Variants in STK32B observed in about 807,000 individuals in gnomAD.
STK32B encodes the protein serine/threonine kinase 32B.
Under a neutral mutation model 52.6 loss-of-function variants are expected in STK32B, and 43 were observed. The observed-to-expected ratio is 0.82, with a 90% CI of 0.64 to 1.05. STK32B has a LOEUF of 1.05. Among genes scored for constraint, STK32B ranks in the 50% least tolerant of loss-of-function variants. The pLI, the probability that STK32B is intolerant of heterozygous loss-of-function variation, is 0.00. For missense variants in STK32B, 621 were observed against 534.6 expected (o/e 1.16, Z -1.59); for synonymous variants, 238 against 204.3 (o/e 1.17, Z -1.41).
chr4:5,255,176 AATGAACATGCTTC>A (rs1220227338), intron 3 of STK32B, among the ~76,000 whole-genome samples: 1 of 152,174 alleles, frequency 6.6e-6, no homozygotes, highest in Non-Finnish European at 1.5e-5. Flanking sequence ...CTCTAAAGGA[AATGAACATGCTTC>A]TCTGAGAGCA....
intron 1 of STK32B, among the ~76,000 whole-genome samples, chr4:5,131,901 G>A (rs531247026): frequency 1.3e-5 from 2 of 152,296 alleles, no homozygotes; most frequent in East Asian, 1.9e-4. Flanking sequence ...GTTGGAATCT[G>A]TATACATTAC....
chr4:5,127,824 T>C (rs1047888004), intron 1 of STK32B, among the ~76,000 whole-genome samples: 1 of 152,094 alleles, frequency 6.6e-6, no homozygotes, highest in Non-Finnish European at 1.5e-5. Flanking sequence ...AGGGACCTCG[T>C]GGGAGGTAAT....
At chr4:5,307,818 G>A (rs28498522) in intron 3 of STK32B, among the ~76,000 whole-genome samples, 19,419 of 152,014 alleles carry the variant, frequency 0.13, 2,687 homozygotes, top group African/African-American at 0.35. Context: ...CCACGGGGGT[G>A]CTCTTTTGAT....
At chr4:5,319,036 C>G (rs551801711) in intron 3 of STK32B, among the ~76,000 whole-genome samples, 2 of 152,180 alleles carry the variant, frequency 1.3e-5, no homozygotes, top group South Asian at 4.2e-4. Flanking sequence ...GATCTCCTGA[C>G]CTTGTGATCC....
intron 4 of STK32B, among the ~76,000 whole-genome samples, chr4:5,334,853 T>C (rs1732531096): frequency 6.6e-6 from 1 of 152,074 alleles, no homozygotes; most frequent in Non-Finnish European, 1.5e-5. Flanking sequence ...GATAAGCTTT[T>C]TGATGTGCTG....
chr4:5,416,777 C>A, intron 5 of STK32B, 68 bp from the exon 6 acceptor site: 1 of 1,414,148 alleles, frequency 7.1e-7, no homozygotes. Context: ...ACCTTGCAAA[C>A]CACAGCTTTA....
intron 11 of STK32B, among the ~76,000 whole-genome samples, chr4:5,472,943 T>C (rs2109179756): frequency 6.6e-6 from 1 of 152,192 alleles, no homozygotes; most frequent in Middle Eastern, 3.4e-3. Flanking sequence ...CTCTGCCCTC[T>C]ACCTACTAGA....
chr4:5,279,190 C>T (rs763717492), intron 3 of STK32B, among the ~76,000 whole-genome samples: 1 of 152,208 alleles, frequency 6.6e-6, no homozygotes, highest in African/African-American at 2.4e-5. Flanking sequence ...CAAGGCAAGT[C>T]CCTTCCACCT....
At chr4:5,444,486 C>T (rs1177039336) in intron 6 of STK32B, among the ~76,000 whole-genome samples, 1 of 152,200 alleles carries the variant, frequency 6.6e-6, no homozygotes, top group African/African-American at 2.4e-5. Context: ...CACCCACTGA[C>T]CTGCGCCCAC....
chr4:5,216,569 G>A (rs1193419946), intron 3 of STK32B, among the ~76,000 whole-genome samples: 2 of 152,202 alleles, frequency 1.3e-5, no homozygotes, highest in Non-Finnish European at 2.9e-5. Context: ...GAAAAGAGGA[G>A]GGTGGGCAGG....
chr4:5,487,635 G>A (rs1291098822), intron 11 of STK32B, among the ~76,000 whole-genome samples: 1 of 152,140 alleles, frequency 6.6e-6, no homozygotes, highest in Non-Finnish European at 1.5e-5. Context: ...AAAAAGCTGT[G>A]CTAGGGTTAT....
chr4:5,361,332 T>C (rs761553364), intron 4 of STK32B, among the ~76,000 whole-genome samples: 1 of 152,224 alleles, frequency 6.6e-6, no homozygotes, highest in Non-Finnish European at 1.5e-5. Context: ...TGGGTATATA[T>C]TCACAAGTGG....
chr4:5,095,997 T>C (rs537523063), intron 1 of STK32B, among the ~76,000 whole-genome samples: 14 of 152,374 alleles, frequency 9.2e-5, no homozygotes, highest in Non-Finnish European at 1.6e-4. Context: ...ATTATATTAG[T>C]GATTTCATGG....
At chr4:5,157,311 A>AAAAAAAC (rs1553839516) in intron 2 of STK32B, among the ~76,000 whole-genome samples, 2,761 of 151,266 alleles carry the variant, frequency 0.018, 45 homozygotes, top group Non-Finnish European at 0.028. Flanking sequence ...AAAAAAAAAA[A>AAAAAAAC]AAAAAAAAAG....
At position 5,453,491 on chromosome 4, in the gene STK32B, G is replaced by A. The variant is rs1054569503; in HGVS notation, c.667-3316G>A. Among the ~76,000 whole-genome samples the A allele has an allele frequency of 2.0e-5, 3 of 152,134 alleles. No individual in the cohort carries two copies. Among genetic ancestry groups the A allele is most frequent in the African/African-American group, 4.8e-5 (2 of 41,432 alleles). The stretch of plus-strand genomic sequence containing the variant: ...TCAGTTTCCTGACGTTTGAAATGAG[G>A]GATGAAGTGCCCCATCATTGTCCAG... On this transcript the variant is annotated intron_variant, in intron 7 of 11. Transcript: ENST00000282908. The surrounding 1 kb of genome is among the most constrained non-coding windows in gnomAD (Gnocchi z 4.0).
chr4:5,411,031 C>A (rs1170247290), intron 5 of STK32B, among the ~76,000 whole-genome samples: 2 of 151,822 alleles, frequency 1.3e-5, no homozygotes, highest in African/African-American at 2.4e-5. Context: ...TCCTAAAGGC[C>A]CCATCTCTTT....
intron 3 of STK32B, among the ~76,000 whole-genome samples, chr4:5,254,269 G>GT (rs954435045): frequency 2.0e-5 from 3 of 151,730 alleles, no homozygotes; most frequent in Non-Finnish European, 2.9e-5. Flanking sequence ...TGTTCTTTGT[G>GT]TTTTTTTCCT....
At chr4:5,218,665 C>G (rs900677215) in intron 3 of STK32B, among the ~76,000 whole-genome samples, 7 of 152,190 alleles carry the variant, frequency 4.6e-5, no homozygotes, top group Non-Finnish European at 1.0e-4. Context: ...GAGGTGGATT[C>G]CTTTAGCACC....
intron 11 of STK32B, among the ~76,000 whole-genome samples, chr4:5,474,108 T>C (rs1718049019): frequency 6.6e-6 from 1 of 151,858 alleles, no homozygotes; most frequent in African/African-American, 2.4e-5. Context: ...AGCGAGACTC[T>C]GTCTCAAAAA....
Sources: gnomAD v4.1 joint callset for allele counts (sites outside exome capture counted in the v4.1 genomes callset) on GRCh38, gnomAD v4.1.1 for gene constraint, Gnocchi (gnomAD v3.1) non-coding constraint, MANE v1.5 for transcripts, NCBI Gene and HGNC (gene_info 2026-07-23, HGNC 2026-07-21) for gene names.